Variants in SPATA21 observed in about 807,000 individuals in gnomAD.
SPATA21 encodes the protein spermatogenesis-associated protein 21.
Under a neutral mutation model 54.8 loss-of-function variants are expected in SPATA21, and 47 were observed. The ratio of observed to expected loss-of-function variants is 0.86; its 90% confidence interval spans 0.68 to 1.09. The LOEUF (loss-of-function observed/expected upper bound fraction) is 1.09, where lower values mean the gene tolerates loss of function less well. SPATA21 is among the 50% of genes least tolerant of loss of function. SPATA21 has a pLI of 0.00. For missense variants in SPATA21, 599 were observed against 596.4 expected, an observed-to-expected ratio of 1.00 and a Z score of -0.05; for synonymous variants, 245 against 235.3, an observed-to-expected ratio of 1.04 and a Z score of -0.38.
intron 5 of SPATA21, among the ~76,000 whole-genome samples, chr1:16,411,127 T>C (rs980131098): frequency 6.6e-6 from 1 of 152,174 alleles, no homozygotes; most frequent in Admixed American, 6.5e-5. Flanking sequence ...CTTCCTAAGT[T>C]ATCAACTTCG....
intron 7 of SPATA21, among the ~76,000 whole-genome samples, chr1:16,408,036 G>A (rs1473247575): frequency 3.9e-5 from 6 of 152,178 alleles, no homozygotes; most frequent in African/African-American, 7.2e-5. Flanking sequence ...CAAAGTGCTG[G>A]GATTATAGGC....
At chr1:16,425,787 A>T in intron 3 of SPATA21, 1 of 1,474,298 alleles carries the variant, frequency 6.8e-7, no homozygotes, top group South Asian at 1.2e-5. Flanking sequence ...ACTGTTTTAT[A>T]TATTTTTACA....
chr1:16,406,951 G>A (rs1248169283), intron 7 of SPATA21, among the ~76,000 whole-genome samples: 1 of 152,356 alleles, frequency 6.6e-6, no homozygotes, highest in East Asian at 1.9e-4. Flanking sequence ...CAACCATCCA[G>A]TCTGTGGTCC....
chr1:16,409,497 A>G lies in SPATA21; in HGVS notation c.587+104T>C. 1 of 1,202,954 alleles carries G rather than the reference A, an allele frequency of 8.3e-7. No individual in the cohort carries two copies. The highest frequency in any genetic ancestry group is 1.2e-6 in the Non-Finnish European group (1 of 863,554). The allele number at this position is 1,202,954 out of a possible 1,614,324, so 74.5% of individuals were successfully genotyped here. ...TGAGGAGAAATGGAGAGAGGGGGAC[A>G]CACGAGGGAACAGGCAGGTGCAGGG... On this transcript the variant is annotated intron_variant, in intron 6 of 12. Transcript: ENST00000335496. This position sits in a 1 kb window ranked among gnomAD's most constrained non-coding sequence, Gnocchi z 4.1.
At chr1:16,423,367 C>T (rs2086224434) in intron 3 of SPATA21, among the ~76,000 whole-genome samples, 1 of 139,928 alleles carries the variant, frequency 7.1e-6, no homozygotes, top group Non-Finnish European at 1.5e-5. Context: ...GACCCAAGAT[C>T]ACACCCCTGC....
intron 10 of SPATA21, among the ~76,000 whole-genome samples, chr1:16,402,825 CTG>C (rs2085497538): frequency 6.6e-6 from 1 of 152,176 alleles, no homozygotes; most frequent in Admixed American, 6.5e-5. Context: ...ACTCGGGAAA[CTG>C]AGGTGGGAGG....
chr1:16,409,922 A>G lies in SPATA21; in HGVS notation c.266T>C (p.Leu89Ser), dbSNP rs2085783164. ...GGCCTCCATTTTCTCCACCTCCAGC[A>G]AGCACTTCATGAAGCCCTGCCGGAA... The part of the protein sequence containing the change: ...GNFRQGFMKC[L>S]LEVEKMEASH... The change falls in exon 6 of 13, where the codon TTG (leucine) becomes TCG (serine). Residue 89 changes from leucine (L) to serine (S), a missense_variant. Coordinates refer to ENST00000335496, the MANE Select transcript of SPATA21 (RefSeq NM_198546.1). The surrounding 1 kb of genome is among the most constrained non-coding windows in gnomAD (Gnocchi z 4.1). The G allele has an allele frequency of 6.2e-7, 1 of 1,613,798 alleles. No homozygotes were observed. Among genetic ancestry groups the G allele is most frequent in the Admixed American group, 1.7e-5 (1 of 59,940 alleles).
At chr1:16,418,417 G>A (rs1456523273) in intron 5 of SPATA21, among the ~76,000 whole-genome samples, 1 of 151,794 alleles carries the variant, frequency 6.6e-6, no homozygotes, top group Non-Finnish European at 1.5e-5. Context: ...GACTACAGGT[G>A]CCCGCCACCA....
rs563234616 is a variant in SPATA21 at position 16,402,541 on chromosome 1, A to G, written c.1001+1186T>C. On this transcript the variant is annotated intron_variant, in intron 10 of 12. Coordinates refer to ENST00000335496, the MANE Select transcript of SPATA21 (RefSeq NM_198546.1). ...CTCCCAAAGTGCTGGGATTACAGGCATGAGCCACCATGCCTGGCTTTTCTT... is the reference window on the plus strand; with the variant it reads ...CTCCCAAAGTGCTGGGATTACAGGCGTGAGCCACCATGCCTGGCTTTTCTT... 6.3e-4 allele frequency among the ~76,000 whole-genome samples: 92 copies of G among 147,104 alleles called. No individual in the cohort carries two copies. The East Asian group carries it at 6.6e-3, about 11-fold the overall frequency.
intron 7 of SPATA21, 46 bp from the exon 8 acceptor site, chr1:16,405,150 CTG>C (rs764718268): frequency 1.3e-6 from 2 of 1,572,728 alleles, no homozygotes; most frequent in African/African-American, 1.4e-5. Context: ...TTTCTTGTTT[CTG>C]TCATTCATCC....
intron 5 of SPATA21, among the ~76,000 whole-genome samples, chr1:16,414,272 T>C (rs144042881): frequency 0.046 from 7,039 of 152,092 alleles, 244 homozygotes; most frequent in Non-Finnish European, 0.07. Context: ...TTTTACCATG[T>C]TGCCTAGGCT....
intron 11 of SPATA21, 189 bp downstream of exon 11, chr1:16,400,531 T>C (rs2085411774): frequency 1.5e-6 from 2 of 1,373,686 alleles, no homozygotes; most frequent in African/African-American, 2.9e-5. Context: ...AGGAGGCCAT[T>C]GTCATAGGCC....
Position 16,409,317 on chromosome 1 carries a change from G to T in SPATA21, c.588-114C>A. ...GAGGTCGTGGGGGAGGCTTTGGGGA[G>T]CCCGGAGAGATCAAGAATGGCAGGA... is the stretch of plus-strand genomic sequence containing the variant. On this transcript the variant is annotated intron_variant, in intron 6 of 12. Coordinates refer to ENST00000335496, the MANE Select transcript of SPATA21 (RefSeq NM_198546.1). This position sits in a 1 kb window ranked among gnomAD's most constrained non-coding sequence, Gnocchi z 4.1. 8.9e-7 allele frequency: 1 copy of T among 1,127,470 alleles called. No individual in the cohort carries two copies. The highest frequency in any genetic ancestry group is 1.3e-6 in the Non-Finnish European group (1 of 775,602). The allele number at this position is 1,127,470 out of a possible 1,614,324, so 69.8% of individuals were successfully genotyped here.
intron 7 of SPATA21, among the ~76,000 whole-genome samples, chr1:16,407,496 G>C (rs550989374): frequency 3.3e-5 from 5 of 152,224 alleles, no homozygotes; most frequent in South Asian, 4.2e-4. Flanking sequence ...GTCTCTCTCT[G>C]TCACCCAGGC....
At chr1:16,410,896 C>A in intron 5 of SPATA21, 1 of 314,882 alleles carries the variant, frequency 3.2e-6, no homozygotes, top group Non-Finnish European at 6.5e-6. Flanking sequence ...TGGCTTTGTT[C>A]ATGCCTGTTG....
At chr1:16,436,809 A>G (rs1225507316) in intron 1 of SPATA21, among the ~76,000 whole-genome samples, 1 of 151,966 alleles carries the variant, frequency 6.6e-6, no homozygotes, top group Non-Finnish European at 1.5e-5. Flanking sequence ...ACCAAAAAAC[A>G]AAAACCTTAG....
At chr1:16,406,845 G>A (rs2085657822) in intron 7 of SPATA21, among the ~76,000 whole-genome samples, 1 of 152,214 alleles carries the variant, frequency 6.6e-6, no homozygotes, top group Non-Finnish European at 1.5e-5. Context: ...GAAGACAGCT[G>A]TCTGCAGGCC....
chr1:16,417,801 C>G (rs2100847355), intron 5 of SPATA21, among the ~76,000 whole-genome samples: 1 of 152,244 alleles, frequency 6.6e-6, no homozygotes, highest in South Asian at 2.1e-4. Context: ...AACTACTGAC[C>G]TCAGGTGATC....
intron 10 of SPATA21, among the ~76,000 whole-genome samples, chr1:16,401,521 C>T (rs192362335): frequency 6.6e-6 from 1 of 152,284 alleles, no homozygotes; most frequent in Non-Finnish European, 1.5e-5. Flanking sequence ...GTCACAAACT[C>T]CTTGCCTCAA....
Sources: allele counts gnomAD v4.1 joint callset (sites outside exome capture counted in the v4.1 genomes callset), GRCh38; gene constraint gnomAD v4.1.1; non-coding constraint Gnocchi (gnomAD v3.1); transcripts MANE v1.5; gene names NCBI Gene and HGNC (gene_info 2026-07-23, HGNC 2026-07-21).